Variants in DLGAP1 observed in about 807,000 individuals in gnomAD.
DLGAP1 encodes the protein DLG associated protein 1.
Under a neutral mutation model 90.8 loss-of-function variants are expected in DLGAP1, and 11 were observed. The ratio of observed to expected loss-of-function variants is 0.12; its 90% CI spans 0.08 to 0.20. The LOEUF (loss-of-function observed/expected upper bound fraction) is 0.20, where lower values mean the gene tolerates loss of function less well. DLGAP1 is among the 10% of genes least tolerant of loss of function. The pLI, the probability that DLGAP1 is intolerant of heterozygous loss-of-function variation, is 1.00. For synonymous variants in DLGAP1, 558 were observed against 540.7 expected, an observed-to-expected ratio of 1.03 and a Z score of -0.44; for missense variants, 1,050 against 1,333.8, an observed-to-expected ratio of 0.79 and a Z score of 3.31.
chr18:4,444,833 C>T (rs146207819), intron 1 of DLGAP1, among the ~76,000 whole-genome samples: 130 of 152,300 alleles, frequency 8.5e-4, no homozygotes, highest in African/African-American at 3.0e-3. Flanking sequence ...CATAAGGTGA[C>T]TCATTTAAGC....
intron 5 of DLGAP1, among the ~76,000 whole-genome samples, chr18:3,773,320 T>C (rs372457802): frequency 1.3e-5 from 2 of 152,288 alleles, no homozygotes; most frequent in South Asian, 2.1e-4. Context: ...AGATAATTTA[T>C]CTTTTTTGTT....
At chr18:4,127,199 T>G (rs1338806029) in intron 2 of DLGAP1, among the ~76,000 whole-genome samples, 1 of 152,180 alleles carries the variant, frequency 6.6e-6, no homozygotes, top group Non-Finnish European at 1.5e-5. Context: ...TTGAGATTAT[T>G]CAAAAGCCAG....
At chr18:4,108,172 ACT>A in intron 2 of DLGAP1, among the ~76,000 whole-genome samples, 1 of 152,170 alleles carries the variant, frequency 6.6e-6, no homozygotes, top group East Asian at 1.9e-4. Flanking sequence ...CAGGAAGACC[ACT>A]CTCTGACCAT....
At chr18:4,369,876 A>T (rs576799377) in intron 1 of DLGAP1, among the ~76,000 whole-genome samples, 13 of 151,978 alleles carry the variant, frequency 8.6e-5, no homozygotes, top group African/African-American at 2.9e-4. Context: ...TGATGAAAAT[A>T]AAGCACATCA....
At chr18:4,078,249 C>A (rs2075553279) in intron 2 of DLGAP1, among the ~76,000 whole-genome samples, 1 of 152,084 alleles carries the variant, frequency 6.6e-6, no homozygotes, top group African/African-American at 2.4e-5. Context: ...TATTGAGAGA[C>A]TTAAGCACCT....
chr18:4,429,759 TTGA>T, intron 1 of DLGAP1, among the ~76,000 whole-genome samples: 1 of 151,926 alleles, frequency 6.6e-6, no homozygotes, highest in Middle Eastern at 3.4e-3. Context: ...GGCAGCCCAG[TTGA>T]TAATAGAAAA....
chr18:3,882,770 G>C (rs1480126996), intron 3 of DLGAP1, among the ~76,000 whole-genome samples: 5 of 152,166 alleles, frequency 3.3e-5, no homozygotes, highest in African/African-American at 1.2e-4. Context: ...CTCCAAAACA[G>C]TGTTAGAGTC....
rs148541865 is a variant in DLGAP1 at position 3,779,011 on chromosome 18, C to A, written c.1172+35048G>T. Among the ~76,000 whole-genome samples the A allele has an allele frequency of 8.5e-4, 130 of 152,238 alleles. 3 individuals carry two copies. In the East Asian group the frequency reaches 0.024, roughly 28 times the overall value. On this transcript the variant is annotated intron_variant, in intron 5 of 12. Transcript: ENST00000315677. ...ATCATATTACTCTGACTAGGTCATCCCCCCACGACCCAGGCCCAAAGACCA... is the reference window on the plus strand; with the variant it reads ...ATCATATTACTCTGACTAGGTCATCACCCCACGACCCAGGCCCAAAGACCA...
At chr18:4,416,875 T>C (rs1222520005) in intron 1 of DLGAP1, among the ~76,000 whole-genome samples, 1 of 152,200 alleles carries the variant, frequency 6.6e-6, no homozygotes, top group Non-Finnish European at 1.5e-5. Context: ...TTCACTCTTT[T>C]ATTTTTCTCT....
intron 1 of DLGAP1, among the ~76,000 whole-genome samples, chr18:4,361,630 A>C (rs2081631411): frequency 6.6e-6 from 1 of 152,212 alleles, no homozygotes; most frequent in Non-Finnish European, 1.5e-5. Flanking sequence ...TGTAAATGTA[A>C]GATCTAAAAT....
intron 7 of DLGAP1, among the ~76,000 whole-genome samples, chr18:3,687,395 A>G (rs1425053341): frequency 2.0e-5 from 3 of 152,228 alleles, no homozygotes; most frequent in African/African-American, 7.2e-5. Flanking sequence ...GTGTAAAAGA[A>G]TTAACGATAA....
At chr18:4,090,026 T>C (rs922241874) in intron 2 of DLGAP1, among the ~76,000 whole-genome samples, 31 of 151,880 alleles carry the variant, frequency 2.0e-4, no homozygotes, top group Non-Finnish European at 3.5e-4. Context: ...GCCTGGGTGA[T>C]AGAGGGGGAC....
chr18:4,198,491 G>C (rs759830705), intron 1 of DLGAP1, among the ~76,000 whole-genome samples: 2 of 151,988 alleles, frequency 1.3e-5, no homozygotes, highest in Non-Finnish European at 1.5e-5. Flanking sequence ...GAACATATTT[G>C]AATAATGCAC....
chr18:3,902,797 T>A (rs1052746853), intron 3 of DLGAP1, among the ~76,000 whole-genome samples: 2 of 152,178 alleles, frequency 1.3e-5, no homozygotes, highest in African/African-American at 4.8e-5. Context: ...AGTTCTCATA[T>A]ATAAACTATG....
intron 1 of DLGAP1, among the ~76,000 whole-genome samples, chr18:4,251,250 T>C (rs1182406470): frequency 2.0e-5 from 3 of 152,224 alleles, no homozygotes; most frequent in African/African-American, 7.2e-5. Context: ...TCTTATAAAT[T>C]GCTTTTCTCT....
chr18:3,996,484 T>C (rs1201289745), intron 3 of DLGAP1, among the ~76,000 whole-genome samples: 1 of 152,090 alleles, frequency 6.6e-6, no homozygotes, highest in Non-Finnish European at 1.5e-5. Context: ...AGATTAAATA[T>C]TCCTAATAAA....
intron 10 of DLGAP1, among the ~76,000 whole-genome samples, chr18:3,532,630 T>C (rs1195543504): frequency 6.6e-6 from 1 of 150,786 alleles, no homozygotes; most frequent in Non-Finnish European, 1.5e-5. Flanking sequence ...ATTGAAAAAG[T>C]AATTTAAAAA....
intron 5 of DLGAP1, among the ~76,000 whole-genome samples, chr18:3,769,420 G>C (rs999787126): frequency 6.6e-6 from 1 of 152,104 alleles, no homozygotes; most frequent in Non-Finnish European, 1.5e-5. Context: ...GAAATGAAGC[G>C]TATGTTCACT....
chr18:4,392,397 A>G (rs1255016971), intron 1 of DLGAP1, among the ~76,000 whole-genome samples: 1 of 152,182 alleles, frequency 6.6e-6, no homozygotes, highest in Non-Finnish European at 1.5e-5. Context: ...TTTCCCATGA[A>G]AGGTTAACAA....
Sources: gnomAD v4.1 joint callset for allele counts (sites outside exome capture counted in the v4.1 genomes callset) on GRCh38, gnomAD v4.1.1 for gene constraint, MANE v1.5 for transcripts, NCBI Gene and HGNC (gene_info 2026-07-23, HGNC 2026-07-21) for gene names.